PALD1: variants seen among roughly 807,000 people sequenced by gnomAD.
PALD1 encodes paladin.
PALD1 carries 57 observed loss-of-function variants against 96.0 expected under a neutral mutation model. The ratio of observed to expected loss-of-function variants is 0.59; its 90% CI spans 0.48 to 0.74. The LOEUF (loss-of-function observed/expected upper bound fraction) is 0.74, where lower values mean the gene tolerates loss of function less well. PALD1 is among the 30% of genes least tolerant of loss of function. PALD1 has a pLI of 0.00. For missense variants in PALD1, 1,063 were observed against 1,143.7 expected (o/e 0.93, Z 1.02); for synonymous variants, 464 against 473.6 (o/e 0.98, Z 0.26).
At chr10:70,547,525 G>T in intron 18 of PALD1, 79 bp downstream of exon 18, 2 of 1,092,828 alleles carry the variant, frequency 1.8e-6, no homozygotes, top group Non-Finnish European at 1.3e-6. Flanking sequence ...GGCTGATGTG[G>T]CTTTGGGGTT....
chr10:70,529,121 C>G, intron 2 of PALD1, 108 bp from the exon 3 acceptor site: 1 of 625,104 alleles, frequency 1.6e-6, no homozygotes, highest in East Asian at 2.8e-5. Flanking sequence ...TGCCACAAAT[C>G]GTAGCCACAG....
At chr10:70,495,970 C>T (rs1374774124) in intron 1 of PALD1, among the ~76,000 whole-genome samples, 2 of 151,880 alleles carry the variant, frequency 1.3e-5, no homozygotes, top group African/African-American at 4.8e-5. Flanking sequence ...ATGATCGTAC[C>T]ACTGTACTCC....
chr10:70,465,217 G>A, the PALD1 span, among the ~76,000 whole-genome samples: 2 of 150,846 alleles, frequency 1.3e-5, no homozygotes, highest in Non-Finnish European at 3.0e-5. Flanking sequence ...CTCGTGATCC[G>A]CCCGCCTCTG....
intron 10 of PALD1, among the ~76,000 whole-genome samples, chr10:70,535,120 G>A (rs1847082533): frequency 6.6e-6 from 1 of 152,326 alleles, no homozygotes; most frequent in East Asian, 1.9e-4. Context: ...GGGGCCCCTG[G>A]ACTCAGATAC....
intron 18 of PALD1, among the ~76,000 whole-genome samples, chr10:70,562,445 G>A (rs1847760320): frequency 6.6e-6 from 1 of 152,238 alleles, no homozygotes; most frequent in African/African-American, 2.4e-5. Flanking sequence ...ACTGTGGACT[G>A]TGCCACGTCT....
At chr10:70,541,065 G>A (rs1057029369) in intron 15 of PALD1, 37 bp from the exon 16 acceptor site, 6 of 1,550,492 alleles carry the variant, frequency 3.9e-6, no homozygotes, top group African/African-American at 1.4e-5. Context: ...GCATCCAAGA[G>A]ACGCCCGCTG....
intron 17 of PALD1, among the ~76,000 whole-genome samples, chr10:70,541,890 G>A (rs1049141175): frequency 1.3e-5 from 2 of 152,216 alleles, no homozygotes; most frequent in African/African-American, 4.8e-5. Context: ...GTGACCTTGT[G>A]TGGGTCCCCA....
At chr10:70,552,005 T>A (rs147553106) in intron 18 of PALD1, among the ~76,000 whole-genome samples, 1,942 of 152,344 alleles carry the variant, frequency 0.013, 45 homozygotes, top group Non-Finnish European at 0.013. Context: ...AAGCTGTGAT[T>A]GTGGCAGGCC....
chr10:70,555,862 G>A (rs1475902177), intron 18 of PALD1, among the ~76,000 whole-genome samples: 1 of 152,126 alleles, frequency 6.6e-6, no homozygotes, highest in African/African-American at 2.4e-5. Context: ...TTAGCCGCGC[G>A]AGGTGGCGGT....
intron 1 of PALD1, among the ~76,000 whole-genome samples, chr10:70,514,434 G>A (rs1403885519): frequency 6.6e-6 from 1 of 151,292 alleles, no homozygotes; most frequent in African/African-American, 2.4e-5. Flanking sequence ...GCAGGTGAAG[G>A]GTTCCTGTGA....
chr10:70,518,050 TGC>T (rs892473575), intron 1 of PALD1, among the ~76,000 whole-genome samples: 55 of 152,250 alleles, frequency 3.6e-4, no homozygotes, highest in African/African-American at 1.2e-3. Flanking sequence ...ATTACAGGCA[TGC>T]GCCATCACGC....
At chr10:70,467,482 G>A in the PALD1 span, among the ~76,000 whole-genome samples, 1 of 152,126 alleles carries the variant, frequency 6.6e-6, no homozygotes, top group South Asian at 2.1e-4. Context: ...AGTGGATGTC[G>A]GGTTCATGTG....
intron 10 of PALD1, among the ~76,000 whole-genome samples, chr10:70,535,542 C>CTCCCT: frequency 1.1e-4 from 15 of 136,572 alleles, no homozygotes; most frequent in African/African-American, 4.1e-4. Flanking sequence ...CCTCTTCTTT[C>CTCCCT]CTCCTCCTCC....
intron 1 of PALD1, among the ~76,000 whole-genome samples, chr10:70,498,643 C>T (rs1846236740): frequency 6.6e-6 from 1 of 151,372 alleles, no homozygotes; most frequent in South Asian, 2.1e-4. Context: ...AGGTATCGCA[C>T]AGACTGGGCG....
chr10:70,472,228 C>T, the PALD1 span, among the ~76,000 whole-genome samples: 1 of 152,148 alleles, frequency 6.6e-6, no homozygotes, highest in Admixed American at 6.6e-5. Context: ...AGTGGTGTTG[C>T]CTGGAGACAA....
At chr10:70,545,297 T>C (rs1214440420) in intron 17 of PALD1, among the ~76,000 whole-genome samples, 2 of 152,054 alleles carry the variant, frequency 1.3e-5, no homozygotes, top group South Asian at 2.1e-4. Flanking sequence ...CATGAAGAGA[T>C]CAAAGCCCGG....
At chr10:70,531,956 C>T (rs1354924782) in intron 5 of PALD1, among the ~76,000 whole-genome samples, 1 of 151,236 alleles carries the variant, frequency 6.6e-6, no homozygotes, top group Non-Finnish European at 1.5e-5. Flanking sequence ...GCACTCCAGC[C>T]TGGGCTACAG....
chr10:70,550,408 G>A (rs746453934), intron 18 of PALD1, among the ~76,000 whole-genome samples: 7 of 152,172 alleles, frequency 4.6e-5, no homozygotes, highest in Non-Finnish European at 1.0e-4. Flanking sequence ...CTGTAGGTCT[G>A]GAGGTCTAAC....
intron 17 of PALD1, among the ~76,000 whole-genome samples, chr10:70,541,794 G>A (rs1036800373): frequency 6.6e-6 from 1 of 152,130 alleles, no homozygotes; most frequent in African/African-American, 2.4e-5. Flanking sequence ...TTGGGCTGCT[G>A]TGTGCCTTGG....
Sources: gnomAD v4.1 joint callset for allele counts (sites outside exome capture counted in the v4.1 genomes callset) on GRCh38, gnomAD v4.1.1 for gene constraint, MANE v1.5 for transcripts, NCBI Gene and HGNC (gene_info 2026-07-23, HGNC 2026-07-21) for gene names.